The following VWF variants were observed in gnomAD, a reference collection of about 807,000 sequenced individuals.
VWF encodes the protein von Willebrand factor, also known as Factor VIII related antigen.
Under a neutral mutation model 308.6 loss-of-function variants are expected in VWF, and 176 were observed. That is an observed-to-expected ratio of 0.57 (90% CI 0.50 to 0.65). The LOEUF (loss-of-function observed/expected upper bound fraction) is 0.65. VWF is among the 30% of genes least tolerant of loss of function. The pLI, the probability that VWF is intolerant of heterozygous loss-of-function variation, is 0.00. For synonymous variants in VWF, 1,385 were observed against 1,443.4 expected, an observed-to-expected ratio of 0.96 and a Z score of 0.92; for missense variants, 3,146 against 3,648.2, an observed-to-expected ratio of 0.86 and a Z score of 3.55.
chr12:6,119,676 T>C (rs1377892315), intron 3 of VWF, among the ~76,000 whole-genome samples: 1 of 152,208 alleles, frequency 6.6e-6, no homozygotes, highest in African/African-American at 2.4e-5. Context: ...TGAAACCCTG[T>C]CTCTACTAAA....
chr12:6,021,646 A>G (rs1944130260), intron 27 of VWF: 3 of 477,786 alleles, frequency 6.3e-6, no homozygotes, highest in Non-Finnish European at 1.1e-5. Context: ...AAACCTATTA[A>G]GAGCAAAAAC....
intron 10 of VWF, among the ~76,000 whole-genome samples, chr12:6,068,046 A>C (rs1162631090): frequency 6.6e-6 from 1 of 151,444 alleles, no homozygotes; most frequent in African/African-American, 2.4e-5. Context: ...GAGGCAGGAG[A>C]ATTGCTTGAA....
chr12:5,996,826 A>G (rs1943813450), intron 34 of VWF, among the ~76,000 whole-genome samples: 1 of 152,082 alleles, frequency 6.6e-6, no homozygotes, highest in Non-Finnish European at 1.5e-5. Context: ...CATAATTGGC[A>G]AATTCTCAAG....
intron 9 of VWF, among the ~76,000 whole-genome samples, 158 bp downstream of exon 9, chr12:6,072,173 A>T (rs1157623103): frequency 1.3e-5 from 2 of 152,048 alleles, no homozygotes; most frequent in Admixed American, 6.5e-5. Flanking sequence ...ATTGCCTGCC[A>T]CACCTGTCCC....
intron 16 of VWF, among the ~76,000 whole-genome samples, chr12:6,048,173 C>T (rs548242633): frequency 6.6e-6 from 1 of 152,208 alleles, no homozygotes; most frequent in Non-Finnish European, 1.5e-5. Flanking sequence ...TTTTGTTTTG[C>T]TTTGTTTTGT....
intron 31 of VWF, 110 bp from the exon 32 acceptor site, chr12:6,013,755 T>A (rs1591859114): frequency 8.2e-7 from 1 of 1,221,860 alleles, no homozygotes; most frequent in Non-Finnish European, 1.2e-6. Context: ...TCCAGGCTGG[T>A]CACATACATC....
intron 6 of VWF, among the ~76,000 whole-genome samples, chr12:6,091,877 G>A (rs1230452315): frequency 6.6e-6 from 1 of 152,210 alleles, no homozygotes; most frequent in East Asian, 1.9e-4. Flanking sequence ...TCTGCACCTT[G>A]CTAGCTGGCG....
intron 31 of VWF, among the ~76,000 whole-genome samples, chr12:6,013,916 CACAA>C (rs372043949): frequency 0.055 from 8,373 of 151,890 alleles, 695 homozygotes; most frequent in African/African-American, 0.19. Context: ...ACAACAAACA[CACAA>C]ACAAAGTAAA....
intron 51 of VWF, 143 bp downstream of exon 51, chr12:5,949,643 G>T: frequency 2.2e-6 from 2 of 889,602 alleles, no homozygotes; most frequent in Admixed American, 2.3e-5. Flanking sequence ...TAAAACATTT[G>T]CTTAAAAAAA....
At position 6,103,454 on chromosome 12, in the gene VWF, A is replaced by ACACACG. The variant is rs1565391095; in HGVS notation, c.532+6919_532+6920insCGTGTG. Among the ~76,000 whole-genome samples the ACACACG allele has an allele frequency of 1.6e-4, 15 of 94,048 alleles. 1 individual carries two copies. Among genetic ancestry groups the ACACACG allele is most frequent in the African/African-American group, 6.8e-4 (13 of 19,142 alleles). 61.7% of individuals were successfully genotyped at this position (94,048 alleles called of 152,430 possible). On this transcript the variant is annotated intron_variant, in intron 5 of 51. Coordinates refer to ENST00000261405, the MANE Select transcript of VWF (RefSeq NM_000552.5). ...CACGTGTGTATATACATACACATAT[A>ACACACG]TGTGTATATACACATATGTGTGTAT...
intron 10 of VWF, 51 bp from the exon 11 acceptor site, chr12:6,065,324 C>T (rs192331585): frequency 1.2e-6 from 2 of 1,609,896 alleles, no homozygotes; most frequent in Non-Finnish European, 1.7e-6. Flanking sequence ...GGCACTTCCC[C>T]TGGGGTGGCC....
intron 6 of VWF, among the ~76,000 whole-genome samples, chr12:6,082,553 A>G (rs1319946368): frequency 6.6e-6 from 1 of 152,230 alleles, no homozygotes; most frequent in East Asian, 1.9e-4. Context: ...ATGAACTGTA[A>G]CCTAACTGGA....
rs375410089 is a variant in VWF at position 6,034,546 on chromosome 12, G to A, written c.2685+142C>T. 3 of 1,297,304 alleles carry A rather than the reference G, an allele frequency of 2.3e-6. No homozygotes were observed. The South Asian group carries it at 4.1e-5, about 18-fold the overall frequency. 80.4% of individuals were successfully genotyped at this position (1,297,304 alleles called of 1,614,324 possible). A position where few individuals can be genotyped will look rare whatever the true frequency, so the allele number is the denominator to read the frequency against. ...ATCCCCTACCGCTTCAGGCACTTCT[G>A]TGAAGGACTGGGAAGTACTCCAGTA... On this transcript the variant is annotated intron_variant, in intron 20 of 51. Coordinates refer to ENST00000261405, the MANE Select transcript of VWF (RefSeq NM_000552.5).
At chr12:6,087,946 T>C (rs1373278664) in intron 6 of VWF, among the ~76,000 whole-genome samples, 1 of 152,054 alleles carries the variant, frequency 6.6e-6, no homozygotes, top group East Asian at 1.9e-4. Flanking sequence ...CTGATCGCCT[T>C]GAGGAGGTGA....
chr12:6,010,903 A>AT (rs1943985839), intron 34 of VWF, among the ~76,000 whole-genome samples: 1 of 152,232 alleles, frequency 6.6e-6, no homozygotes, highest in Admixed American at 6.5e-5. Context: ...TAACTATAGA[A>AT]TTCTTTATGA....
chr12:6,050,865 G>A lies in VWF; in HGVS notation c.2186+1678C>T, dbSNP rs190758888. ...AGCTACTCGGGAGGATGAGGCAAGA[G>A]AATCGCTTGAACCCCAGAGGTGGAG... On this transcript the variant is annotated intron_variant, in intron 16 of 51. Coordinates refer to ENST00000261405, the MANE Select transcript of VWF (RefSeq NM_000552.5). 3.4e-3 allele frequency among the ~76,000 whole-genome samples: 516 copies of A among 151,842 alleles called. 7 individuals carry two copies. The highest frequency in any genetic ancestry group is 0.012 in the African/African-American group (500 of 41,386).
intron 39 of VWF, 30 bp downstream of exon 39, chr12:5,985,533 T>A: frequency 6.2e-7 from 1 of 1,609,684 alleles, no homozygotes; most frequent in Non-Finnish European, 8.5e-7. Flanking sequence ...TGTTCCTCCA[T>A]GAAGGCACCA....
intron 18 of VWF, among the ~76,000 whole-genome samples, chr12:6,037,487 C>T (rs747672525): frequency 6.6e-6 from 1 of 152,154 alleles, no homozygotes; most frequent in Non-Finnish European, 1.5e-5. Flanking sequence ...AAACTACTTT[C>T]GTGAGCATGT....
In VWF at chr12:6,027,875, CA is replaced by C. The variant is rs59047763; in HGVS notation, c.2967+1466del. Among the ~76,000 whole-genome samples the C allele has an allele frequency of 5.8e-3, 508 of 87,708 alleles. 1 individual carries two copies. The highest frequency in any genetic ancestry group is 0.018 in the African/African-American group (370 of 20,704). 57.5% of individuals were successfully genotyped at this position (87,708 alleles called of 152,430 possible). ...ACACACACACACACACACACACACA[CA>C]CACACACCCCTAAACAAAAAAACTT... On this transcript the variant is annotated intron_variant, in intron 22 of 51. Coordinates refer to ENST00000261405, the MANE Select transcript of VWF (RefSeq NM_000552.5).
Sources: allele counts gnomAD v4.1 joint callset (sites outside exome capture counted in the v4.1 genomes callset), GRCh38; gene constraint gnomAD v4.1.1; transcripts MANE v1.5; gene names NCBI Gene and HGNC (gene_info 2026-07-23, HGNC 2026-07-21).